The following MACO1 variants were observed in gnomAD, a reference collection of about 807,000 sequenced individuals.
The protein encoded by MACO1 is macoilin 1, also known as macoilin.
A neutral mutation model predicts 78.7 loss-of-function variants in MACO1; 14 were observed. The ratio of observed to expected loss-of-function variants is 0.18; its 90% CI spans 0.12 to 0.28. The LOEUF is 0.28. MACO1 is among the 10% of genes least tolerant of loss of function. The pLI is 1.00. For missense variants in MACO1, 501 were observed against 799.0 expected (o/e 0.63, Z 4.50); for synonymous variants, 288 against 291.6 (o/e 0.99, Z 0.12).
At position 25,485,626 on chromosome 1, in the gene MACO1, G is replaced by C. The variant is rs1557675373; in HGVS notation, c.1327G>C (p.Val443Leu). Residue 443 changes from valine (V) to leucine (L), a missense_variant, in exon 8 of 11, where the codon GTG becomes CTG. This residue lies in a region of MACO1 where 163 missense variants were observed against 271.9 expected (regional missense o/e 0.60). Transcript: ENST00000374343. This position sits in a 1 kb window ranked among gnomAD's most constrained non-coding sequence, Gnocchi z 4.3. ...ATTTCCATATAGGTTACATAATGCT[G>C]TGCAAATGAAGCAAAAAGACAAGCA... The part of the protein sequence containing the change: ...ELLQNKLHNA[V>L]QMKQKDKQNI... 5 of 1,613,888 alleles carry C rather than the reference G, an allele frequency of 3.1e-6. No homozygotes were observed. Among genetic ancestry groups the C allele is most frequent in the Non-Finnish European group, 4.2e-6 (5 of 1,179,974 alleles).
chr1:25,439,574 C>T (rs1026366054), intron 1 of MACO1, among the ~76,000 whole-genome samples: 3 of 151,928 alleles, frequency 2.0e-5, no homozygotes, highest in African/African-American at 7.2e-5. Context: ...GTCTTCTCAG[C>T]CTGCTCCCCT....
chr1:25,433,522 C>T (rs1285482861), intron 1 of MACO1, among the ~76,000 whole-genome samples: 2 of 152,058 alleles, frequency 1.3e-5, no homozygotes, highest in South Asian at 2.1e-4. Flanking sequence ...TTTCTGGGGC[C>T]GTGTTGACAG....
chr1:25,435,260 G>T (rs994647980), intron 1 of MACO1, among the ~76,000 whole-genome samples: 1 of 152,066 alleles, frequency 6.6e-6, no homozygotes, highest in Admixed American at 6.6e-5. Flanking sequence ...TTGTAGTGCT[G>T]TGTGAAGCTT....
intron 1 of MACO1, among the ~76,000 whole-genome samples, chr1:25,446,141 T>G (rs1167805716): frequency 6.6e-6 from 1 of 152,196 alleles, no homozygotes; most frequent in East Asian, 1.9e-4. Context: ...TTTTCTTTAA[T>G]GTACATTTTT....
intron 10 of MACO1, among the ~76,000 whole-genome samples, chr1:25,494,298 T>G (rs2043515346): frequency 6.6e-6 from 1 of 151,992 alleles, no homozygotes; most frequent in South Asian, 2.1e-4. Flanking sequence ...GAAGGCCTCG[T>G]GAAGGAGGGG....
At chr1:25,431,437 G>C (rs1304404056) in intron 1 of MACO1, among the ~76,000 whole-genome samples, 1 of 149,642 alleles carries the variant, frequency 6.7e-6, no homozygotes, top group Non-Finnish European at 1.5e-5. Flanking sequence ...GCCGTTGGAA[G>C]CGCCGGGCCC....
Position 25,485,482 on chromosome 1 carries a change from C to A in MACO1, c.1314-131C>A. The A allele has an allele frequency of 1.2e-6, 1 of 850,926 alleles. No individual in the cohort carries two copies. The highest frequency in any genetic ancestry group is 1.8e-6 in the Non-Finnish European group (1 of 558,940). 52.7% of individuals were successfully genotyped at this position (850,926 alleles called of 1,614,324 possible). On this transcript the variant is annotated intron_variant, in intron 7 of 10. Transcript: ENST00000374343. The surrounding 1 kb of genome is among the most constrained non-coding windows in gnomAD (Gnocchi z 4.3). ...GTGTGTTTTCCTCAGGCATTCTGGG[C>A]ATTGACATTTTTGATTTGCTGTTCA... is the stretch of plus-strand genomic sequence containing the variant.
chr1:25,456,952 C>T, intron 5 of MACO1, 121 bp downstream of exon 5: 1 of 956,874 alleles, frequency 1.0e-6, no homozygotes, highest in Admixed American at 3.5e-5. Flanking sequence ...TGGTGTTCCT[C>T]CTCAGGGTCA....
At chr1:25,439,756 C>T (rs1431100992) in intron 1 of MACO1, among the ~76,000 whole-genome samples, 1 of 151,364 alleles carries the variant, frequency 6.6e-6, no homozygotes, top group Non-Finnish European at 1.5e-5. Context: ...CTGTGGCTCA[C>T]ACCTGTAATC....
chr1:25,446,965 T>C (rs1229422302), intron 2 of MACO1, 62 bp downstream of exon 2: 2 of 1,538,838 alleles, frequency 1.3e-6, no homozygotes, highest in Non-Finnish European at 1.7e-6. Flanking sequence ...GAGTAGATGT[T>C]ATTAGCAATA....
intron 2 of MACO1, 152 bp downstream of exon 2, chr1:25,447,055 G>A (rs946267600): frequency 5.6e-6 from 5 of 886,454 alleles, no homozygotes; most frequent in Non-Finnish European, 8.0e-6. Context: ...TAAACCCATT[G>A]ATCAAATAGT....
intron 9 of MACO1, among the ~76,000 whole-genome samples, chr1:25,490,384 G>A (rs1571990958): frequency 6.6e-6 from 1 of 152,234 alleles, no homozygotes; most frequent in Non-Finnish European, 1.5e-5. Context: ...AATCATCAAA[G>A]ACATGCAGAT....
At position 25,492,363 on chromosome 1, in the gene MACO1, CA is replaced by C. The variant is rs540070753; in HGVS notation, c.1792+780del. On this transcript the variant is annotated intron_variant, in intron 10 of 10. Transcript: ENST00000374343. ...CCATGGCGAGACAGAACGTATGTGG[CA>C]GGGGTCTCCCTTTTTAACAGGGCAA... Among the ~76,000 whole-genome samples the C allele has an allele frequency of 5.5e-4, 84 of 152,238 alleles. No individual in the cohort carries two copies. The South Asian group carries it at 0.017, about 31-fold the overall frequency.
intron 6 of MACO1, among the ~76,000 whole-genome samples, chr1:25,465,882 G>T (rs2043215172): frequency 6.6e-6 from 1 of 152,082 alleles, no homozygotes; most frequent in African/African-American, 2.4e-5. Flanking sequence ...TTCGCATCTG[G>T]CTTGTTTCAC....
At chr1:25,475,610 G>C (rs539362300) in intron 6 of MACO1, among the ~76,000 whole-genome samples, 1 of 152,076 alleles carries the variant, frequency 6.6e-6, no homozygotes, top group African/African-American at 2.4e-5. Flanking sequence ...TAAGGTTTTG[G>C]GTTGTTCTGA....
At position 25,485,832 on chromosome 1, in the gene MACO1, G is replaced by A; in HGVS notation, c.1496+37G>A. 6.3e-7 allele frequency: 1 copy of A among 1,576,866 alleles called. No individual in the cohort carries two copies. The highest frequency in any genetic ancestry group is 8.6e-7 in the Non-Finnish European group (1 of 1,162,436). On this transcript the variant is annotated intron_variant, in intron 8 of 10. Coordinates refer to ENST00000374343, the MANE Select transcript of MACO1 (RefSeq NM_018202.6). This position sits in a 1 kb window ranked among gnomAD's most constrained non-coding sequence, Gnocchi z 4.3. ...TCACCTGAGTGTTTAATCCAAGGTT[G>A]GCTTTCCTTTACCAACAAAGACATG... is the stretch of plus-strand genomic sequence containing the variant.
chr1:25,488,603 C>T (rs1035133839), intron 8 of MACO1, among the ~76,000 whole-genome samples: 57 of 151,914 alleles, frequency 3.8e-4, no homozygotes, highest in Non-Finnish European at 7.8e-4. Flanking sequence ...AAGCAATTCT[C>T]CTGCCTCGGC....
chr1:25,475,851 G>A (rs1185344877), intron 6 of MACO1, among the ~76,000 whole-genome samples: 2 of 152,052 alleles, frequency 1.3e-5, no homozygotes, highest in Non-Finnish European at 2.9e-5. Flanking sequence ...CTCATACTAT[G>A]TATGTTTTGT....
chr1:25,458,770 T>C lies in MACO1; in HGVS notation c.1032T>C (p.Pro344=), dbSNP rs2043145859. The C allele has an allele frequency of 6.2e-7, 1 of 1,614,168 alleles. No homozygotes were observed. The highest frequency in any genetic ancestry group is 1.3e-5 in the African/African-American group (1 of 75,040). The change falls in exon 6 of 11, where the codon CCT becomes CCC. Residue 344 remains proline, a synonymous_variant. Transcript: ENST00000374343. ...ATAGCGCCACAAATGGGAGCATTCC[T>C]TCCTCATCTAGTAAAAATGAGAAGA... ...RSHSATNGSI[P]SSSSKNEKKQ... is the part of the protein sequence containing the mutation.
Sources: gnomAD v4.1 joint callset for allele counts (sites outside exome capture counted in the v4.1 genomes callset) on GRCh38, gnomAD v4.1.1 for gene constraint, gnomAD v4.1.1 regional missense constraint, Gnocchi (gnomAD v3.1) non-coding constraint, MANE v1.5 for transcripts, NCBI Gene and HGNC (gene_info 2026-07-23, HGNC 2026-07-21) for gene names.